Variants in COL4A6 observed in about 807,000 individuals in gnomAD.
COL4A6 encodes collagen type IV alpha 6 chain, also known as collagen alpha-6(IV) chain.
A neutral mutation model predicts 126.7 loss-of-function variants in COL4A6; 59 were observed. That is an observed-to-expected ratio of 0.47 (90% CI 0.38 to 0.58). The LOEUF (loss-of-function observed/expected upper bound fraction) is 0.58, where lower values mean the gene tolerates loss of function less well. COL4A6 is among the 20% of genes least tolerant of loss of function. The pLI, the probability that COL4A6 is intolerant of heterozygous loss-of-function variation, is 0.00. For missense variants in COL4A6, 1,285 were observed against 1,337.3 expected, an observed-to-expected ratio of 0.96 and a Z score of 0.61; for synonymous variants, 547 against 496.6, an observed-to-expected ratio of 1.10 and a Z score of -1.35.
At chrX:108,335,906 A>G (rs1361718062) in intron 2 of COL4A6, among the ~76,000 whole-genome samples, 1 of 111,203 alleles carries the variant, frequency 9.0e-6, no homozygotes, top group Non-Finnish European at 1.9e-5. Flanking sequence ...CTTTATATGC[A>G]TCATGCCATG....
At chrX:108,237,769 C>T (rs2036464389) in intron 3 of COL4A6, among the ~76,000 whole-genome samples, 1 of 111,153 alleles carries the variant, frequency 9.0e-6, no homozygotes, top group South Asian at 3.8e-4. Flanking sequence ...CTATCCCTCT[C>T]AGGTATCTTC....
chrX:108,292,788 G>T (rs1301078038), intron 3 of COL4A6, among the ~76,000 whole-genome samples: 1 of 108,123 alleles, frequency 9.2e-6, no homozygotes, highest in East Asian at 2.9e-4. Flanking sequence ...CAGCCTCTTG[G>T]CTTACTGCTG....
At chrX:108,246,486 G>A (rs1205926058) in intron 3 of COL4A6, among the ~76,000 whole-genome samples, 1 of 112,079 alleles carries the variant, frequency 8.9e-6, no homozygotes, top group Non-Finnish European at 1.9e-5. Flanking sequence ...AAAGCAGCCA[G>A]AGGCAATAAG....
At chrX:108,298,737 A>C (rs759757912) in intron 3 of COL4A6, among the ~76,000 whole-genome samples, 1 of 108,528 alleles carries the variant, frequency 9.2e-6, no homozygotes, top group Non-Finnish European at 1.9e-5. Flanking sequence ...AAATGCAGGG[A>C]GGGGGCAGGC....
At chrX:108,190,021 G>T (rs775506297) in intron 20 of COL4A6, among the ~76,000 whole-genome samples, 1 of 112,549 alleles carries the variant, frequency 8.9e-6, no homozygotes, top group Non-Finnish European at 1.9e-5. Context: ...CCTGGAGCCA[G>T]TTGGGTTTTT....
chrX:108,373,713 A>G, intron 2 of COL4A6, among the ~76,000 whole-genome samples: 1 of 111,755 alleles, frequency 8.9e-6, no homozygotes, highest in Non-Finnish European at 1.9e-5. Context: ...CAGGGCCTCT[A>G]CATCAGTCAA....
At chrX:108,348,706 G>C (rs957334427) in intron 2 of COL4A6, among the ~76,000 whole-genome samples, 4 of 111,420 alleles carry the variant, frequency 3.6e-5, no homozygotes, top group South Asian at 3.8e-4. Flanking sequence ...ATATCCTTTG[G>C]GGGGGAAAAG....
intron 37 of COL4A6, among the ~76,000 whole-genome samples, chrX:108,167,460 C>T (rs1418790771): frequency 9.0e-6 from 1 of 111,061 alleles, no homozygotes; most frequent in African/African-American, 3.3e-5. Context: ...CCTCAGCCCC[C>T]GAGTAGCTGG....
In COL4A6 at chrX:108,364,427, T is replaced by A. The variant is rs746859823; in HGVS notation, c.64-53599A>T. 4.5e-5 allele frequency among the ~76,000 whole-genome samples: 5 copies of A among 111,387 alleles called. No individual in the cohort carries two copies. The South Asian group carries it at 2.0e-3, about 44-fold the overall frequency. On this transcript the variant is annotated intron_variant, in intron 2 of 44. Transcript: ENST00000334504. ...ATGTGACTTTTGGCTTAATTTTTTTTAATTTTTAATTTTTATTTGTATAAA... is the reference window on the plus strand; with the variant it reads ...ATGTGACTTTTGGCTTAATTTTTTTAAATTTTTAATTTTTATTTGTATAAA...
At chrX:108,281,436 A>G (rs1411968455) in intron 3 of COL4A6, among the ~76,000 whole-genome samples, 13 of 97,500 alleles carry the variant, frequency 1.3e-4, no homozygotes, top group Non-Finnish European at 2.1e-4. Flanking sequence ...TCCAACTTAC[A>G]AGGGATGTGA....
intron 2 of COL4A6, among the ~76,000 whole-genome samples, chrX:108,405,184 G>GTTTTGT (rs762592895): frequency 1.4e-3 from 150 of 109,287 alleles, no homozygotes; most frequent in African/African-American, 4.7e-3. Context: ...TTTTTGTTTT[G>GTTTTGT]TTTTGTTTTT....
chrX:108,276,337 A>G (rs1279869229), intron 3 of COL4A6, among the ~76,000 whole-genome samples: 1 of 112,758 alleles, frequency 8.9e-6, no homozygotes, highest in African/African-American at 3.2e-5. Context: ...TGAAATTGAC[A>G]TTTAGCTGGT....
At chrX:108,251,509 G>A (rs1169767218) in intron 3 of COL4A6, among the ~76,000 whole-genome samples, 4 of 111,238 alleles carry the variant, frequency 3.6e-5, no homozygotes, top group African/African-American at 6.5e-5. Context: ...ATCTCTAATC[G>A]TATATGTTAA....
intron 2 of COL4A6, among the ~76,000 whole-genome samples, chrX:108,338,407 C>T (rs1049852094): frequency 1.8e-5 from 2 of 111,942 alleles, no homozygotes; most frequent in Non-Finnish European, 3.8e-5. Flanking sequence ...AAGGAATAGT[C>T]TTGGGAATGA....
chrX:108,193,341 T>C (rs901941957), intron 17 of COL4A6, among the ~76,000 whole-genome samples: 3 of 111,395 alleles, frequency 2.7e-5, no homozygotes, highest in Admixed American at 1.9e-4. Context: ...TATCAATCCT[T>C]CCCAAAGCAT....
At chrX:108,248,626 T>C (rs890397309) in intron 3 of COL4A6, among the ~76,000 whole-genome samples, 8 of 111,071 alleles carry the variant, frequency 7.2e-5, no homozygotes, top group East Asian at 5.7e-4. Context: ...TTCTTAGATA[T>C]ATATGTTACA....
chrX:108,430,964 T>C lies in COL4A6; in HGVS notation c.63+6978A>G, dbSNP rs889278195. 2.7e-5 allele frequency among the ~76,000 whole-genome samples: 3 copies of C among 111,607 alleles called. No homozygotes were observed. In the Admixed American group the frequency reaches 2.9e-4, roughly 11 times the overall value. On this transcript the variant is annotated intron_variant, in intron 2 of 44. Coordinates refer to ENST00000334504, the MANE Select transcript of COL4A6 (RefSeq NM_033641.4). Reference sequence around the variant, plus strand: ...AGGGGTTAGTAGGCAAATGGAAACATAGATTTAGAGCTCAAAAGAGATGTC... The same window carrying C: ...AGGGGTTAGTAGGCAAATGGAAACACAGATTTAGAGCTCAAAAGAGATGTC...
chrX:108,279,337 G>A (rs1445846505), intron 3 of COL4A6, among the ~76,000 whole-genome samples: 1 of 111,195 alleles, frequency 9.0e-6, no homozygotes, highest in Non-Finnish European at 1.9e-5. Flanking sequence ...GGCAGGGGTT[G>A]CAATCCTAGT....
chrX:108,156,832 C>T lies in COL4A6; in HGVS notation c.*168G>A. 3.9e-6 allele frequency: 2 copies of T among 515,097 alleles called. No individual in the cohort carries two copies. The highest frequency in any genetic ancestry group is 6.7e-6 in the Non-Finnish European group (2 of 300,322). The allele number at this position is 515,097 out of a possible 1,213,427, so 42.4% of individuals were successfully genotyped here. ...AGCAGGGTGGGCTCATCTCTATGGACCCGAGGGCTGGGGTGACGAGTGTCC... is the reference window on the plus strand; with the variant it reads ...AGCAGGGTGGGCTCATCTCTATGGATCCGAGGGCTGGGGTGACGAGTGTCC... On this transcript the variant is annotated 3_prime_UTR_variant, in exon 45 of 45. Coordinates refer to ENST00000334504, the MANE Select transcript of COL4A6 (RefSeq NM_033641.4).
Sources: gnomAD v4.1 joint callset for allele counts (sites outside exome capture counted in the v4.1 genomes callset) on GRCh38, gnomAD v4.1.1 for gene constraint, MANE v1.5 for transcripts, NCBI Gene and HGNC (gene_info 2026-07-23, HGNC 2026-07-21) for gene names.